Variants in NIBAN1 observed in about 807,000 individuals in gnomAD.
The protein encoded by NIBAN1 is protein Niban 1.
Under a neutral mutation model 75.1 loss-of-function variants are expected in NIBAN1, and 81 were observed. The observed-to-expected ratio is 1.08, with a 90% CI of 0.90 to 1.30. The LOEUF (loss-of-function observed/expected upper bound fraction) is 1.30. Among genes scored for constraint, NIBAN1 ranks in the 50% most tolerant of loss-of-function variants. The pLI is 0.00. For synonymous variants in NIBAN1, 436 were observed against 424.8 expected (o/e 1.03, Z -0.32); for missense variants, 1,133 against 1,128.1 (o/e 1.00, Z -0.06).
chr1:184,958,908 ACTC>A (rs751153562), intron 1 of NIBAN1, among the ~76,000 whole-genome samples: 52 of 152,328 alleles, frequency 3.4e-4, no homozygotes, highest in Admixed American at 8.5e-4. Flanking sequence ...CTTTATTTTA[ACTC>A]TAAGCCTGCA....
intron 5 of NIBAN1, among the ~76,000 whole-genome samples, chr1:184,880,008 G>C (rs879885639): frequency 6.6e-6 from 1 of 152,180 alleles, no homozygotes; most frequent in Admixed American, 6.5e-5. Context: ...TTCCCAGATA[G>C]TCTACTGTCC....
rs183997196 is a variant in NIBAN1 at position 184,827,657 on chromosome 1, G to T, written c.718-3915C>A. On this transcript the variant is annotated intron_variant, in intron 6 of 13. Transcript: ENST00000367511. ...TTTAAAAATTCTATCACTCCTACAA[G>T]AAACTAAGCATGTCACTAGGTTGAT... is the stretch of plus-strand genomic sequence containing the variant. Among the ~76,000 whole-genome samples the T allele has an allele frequency of 1.6e-3, 230 of 144,756 alleles. 2 individuals carry two copies. Among genetic ancestry groups the T allele is most frequent in the South Asian group, 0.011 (52 of 4,600 alleles). 95.0% of individuals were successfully genotyped at this position (144,756 alleles called of 152,430 possible).
intron 5 of NIBAN1, among the ~76,000 whole-genome samples, chr1:184,843,461 G>T (rs1327168186): frequency 6.6e-6 from 1 of 151,898 alleles, no homozygotes; most frequent in Non-Finnish European, 1.5e-5. Context: ...CAAAAAAAAA[G>T]AGAGAATATT....
At chr1:184,973,531 C>T (rs1156713210) in intron 1 of NIBAN1, among the ~76,000 whole-genome samples, 1 of 151,960 alleles carries the variant, frequency 6.6e-6, no homozygotes, top group Admixed American at 6.6e-5. Context: ...AGAGGGGAGG[C>T]CAAATACGCC....
At chr1:184,905,337 T>G (rs1444336197) in intron 1 of NIBAN1, among the ~76,000 whole-genome samples, 3 of 152,272 alleles carry the variant, frequency 2.0e-5, no homozygotes, top group East Asian at 3.9e-4. Flanking sequence ...GGGTCACACC[T>G]CATTAGTCAT....
Position 184,795,600 on chromosome 1 carries a change from C to G in NIBAN1, c.2164G>C (p.Val722Leu), listed in dbSNP as rs1653832300. ...LRKLLTASVEVPVDSAPVMEE... is the reference protein window; with the variant it reads ...LRKLLTASVELPVDSAPVMEE... ...ATCACTGGAGCAGAGTCCACTGGTACTTCCACGGACGCTGTCAGCAACTTT... is the reference window on the plus strand; with the variant it reads ...ATCACTGGAGCAGAGTCCACTGGTAGTTCCACGGACGCTGTCAGCAACTTT... The change falls in exon 14 of 14, where the codon GTA becomes CTA. Residue 722 changes from valine to leucine, a missense_variant. Val to Leu is a conservative substitution (Grantham distance 32). Transcript: ENST00000367511. 6.2e-7 allele frequency: 1 copy of G among 1,614,088 alleles called. No homozygotes were observed. The highest frequency in any genetic ancestry group is 1.1e-5 in the South Asian group (1 of 91,088).
intron 1 of NIBAN1, among the ~76,000 whole-genome samples, chr1:184,936,017 A>G (rs1387209337): frequency 6.9e-6 from 1 of 144,470 alleles, no homozygotes; most frequent in Non-Finnish European, 1.5e-5. Context: ...TTTTTGTGAT[A>G]GATGAAAAAA....
intron 1 of NIBAN1, among the ~76,000 whole-genome samples, chr1:184,916,708 AT>A (rs1416106065): frequency 1.4e-4 from 21 of 152,242 alleles, no homozygotes; most frequent in Non-Finnish European, 2.6e-4. Flanking sequence ...ACAAAAATAA[AT>A]ATTTTTGTTA....
intron 1 of NIBAN1, among the ~76,000 whole-genome samples, chr1:184,959,150 A>G (rs1658564049): frequency 6.6e-6 from 1 of 152,262 alleles, no homozygotes; most frequent in Admixed American, 6.5e-5. Flanking sequence ...CTCATTTCTG[A>G]ACTGATCCTG....
At chr1:184,966,634 T>G (rs1267687806) in intron 1 of NIBAN1, among the ~76,000 whole-genome samples, 4 of 152,228 alleles carry the variant, frequency 2.6e-5, no homozygotes, top group African/African-American at 9.7e-5. Flanking sequence ...AAGCCTCCTT[T>G]GATGACTAGT....
At chr1:184,819,171 T>C (rs538276442) in intron 8 of NIBAN1, among the ~76,000 whole-genome samples, 75 of 152,316 alleles carry the variant, frequency 4.9e-4, no homozygotes, top group African/African-American at 1.8e-3. Flanking sequence ...TCATTAAATA[T>C]GCACAGTTTG....
In NIBAN1 at chr1:184,937,777, T is replaced by G. The variant is rs1311705350; in HGVS notation, c.55+36525A>C. ...TACTGTGTGACTGTCAGCAAATTAC[T>G]TAAGCTCTCTGAGCTTCACTTTTCT... On this transcript the variant is annotated intron_variant, in intron 1 of 13. Transcript: ENST00000367511. 2.0e-5 allele frequency among the ~76,000 whole-genome samples: 3 copies of G among 152,234 alleles called. No individual in the cohort carries two copies. The East Asian group carries it at 5.8e-4, about 29-fold the overall frequency.
At chr1:184,809,451 C>T (rs1001198586) in intron 9 of NIBAN1, among the ~76,000 whole-genome samples, 3 of 152,002 alleles carry the variant, frequency 2.0e-5, no homozygotes, top group Admixed American at 6.6e-5. Flanking sequence ...GGGAGAAAGC[C>T]CTTATCATAC....
chr1:184,907,471 T>C (rs1657134238), intron 1 of NIBAN1, among the ~76,000 whole-genome samples: 1 of 152,158 alleles, frequency 6.6e-6, no homozygotes, highest in African/African-American at 2.4e-5. Flanking sequence ...TTAATATTTA[T>C]AAAAGAAATT....
chr1:184,832,707 C>T (rs1368349007), intron 5 of NIBAN1, among the ~76,000 whole-genome samples: 3 of 152,096 alleles, frequency 2.0e-5, no homozygotes, highest in Non-Finnish European at 4.4e-5. Flanking sequence ...CGGGTTTGCC[C>T]TTCTAAACAT....
In NIBAN1 at chr1:184,796,025, A is replaced by G; in HGVS notation, c.1739T>C (p.Val580Ala). The change falls in exon 14 of 14, where the codon GTG (valine) becomes GCG (alanine). Residue 580 changes from valine (V) to alanine (A), a missense_variant. Physicochemically the swap from Val to Ala is moderately conservative, Grantham distance 64. Transcript: ENST00000367511. ...EDNMALPSESVSSLTDLKPPT... is the reference protein window; with the variant it reads ...EDNMALPSESASSLTDLKPPT... Reference sequence around the variant, plus strand: ...GGGCTTTAGATCTGTTAAGCTGGACACACTTTCACTGGGCAAGGCCATGTT... The same window carrying G: ...GGGCTTTAGATCTGTTAAGCTGGACGCACTTTCACTGGGCAAGGCCATGTT... The G allele has an allele frequency of 6.2e-7, 1 of 1,610,050 alleles. No individual in the cohort carries two copies. The highest frequency in any genetic ancestry group is 8.5e-7 in the Non-Finnish European group (1 of 1,179,234).
In NIBAN1 at chr1:184,936,453, C is replaced by T. The variant is rs930218814; in HGVS notation, c.56-37144G>A. Among the ~76,000 whole-genome samples, 15 of 152,298 alleles carry T rather than the reference C, an allele frequency of 9.8e-5. No homozygotes were observed. In the South Asian group the frequency reaches 1.2e-3, roughly 13 times the overall value. ...TGGTGAGTTTTCTGCCACTGCTATA[C>T]GAAATTACCATAAACTTCATTGCTT... is the stretch of plus-strand genomic sequence containing the variant. On this transcript the variant is annotated intron_variant, in intron 1 of 13. Coordinates refer to ENST00000367511, the MANE Select transcript of NIBAN1 (RefSeq NM_052966.4).
chr1:184,925,569 TG>T (rs1368803776), intron 1 of NIBAN1, among the ~76,000 whole-genome samples: 1 of 151,962 alleles, frequency 6.6e-6, no homozygotes, highest in Non-Finnish European at 1.5e-5. Context: ...TTTATTTTTT[TG>T]TTTGTTATAT....
chr1:184,816,975 C>T lies in NIBAN1; in HGVS notation c.1173+1663G>A, dbSNP rs1654555688. 2.6e-5 allele frequency among the ~76,000 whole-genome samples: 4 copies of T among 152,076 alleles called. No individual in the cohort carries two copies. The South Asian group carries it at 8.3e-4, about 32-fold the overall frequency. On this transcript the variant is annotated intron_variant, in intron 9 of 13. Coordinates refer to ENST00000367511, the MANE Select transcript of NIBAN1 (RefSeq NM_052966.4). ...ATGTGCCATGTTGGTCTGCTGCATC[C>T]ATCAAGTTGTCATTTACATTAGGTA... is the stretch of plus-strand genomic sequence containing the variant.
Sources: gnomAD v4.1 joint callset for allele counts (sites outside exome capture counted in the v4.1 genomes callset) on GRCh38, gnomAD v4.1.1 for gene constraint, MANE v1.5 for transcripts, NCBI Gene and HGNC (gene_info 2026-07-23, HGNC 2026-07-21) for gene names.